STXBP4: variants seen among roughly 807,000 people sequenced by gnomAD.
STXBP4 encodes the protein syntaxin binding protein 4, also known as syntaxin-binding protein 4.
STXBP4 carries 55 observed loss-of-function variants against 76.1 expected under a neutral mutation model. That is an observed-to-expected ratio of 0.72 (90% CI 0.58 to 0.91). STXBP4 has a LOEUF of 0.91. Ranked by LOEUF, STXBP4 falls within the 40% of genes least tolerant of loss-of-function variation. The pLI is 0.00. For synonymous variants in STXBP4, 201 were observed against 220.2 expected (o/e 0.91, Z 0.77); for missense variants, 618 against 636.9 (o/e 0.97, Z 0.32).
chr17:55,108,282 C>T (rs2079661185), intron 16 of STXBP4, among the ~76,000 whole-genome samples: 1 of 152,188 alleles, frequency 6.6e-6, no homozygotes, highest in South Asian at 2.1e-4. Flanking sequence ...CATCCCAGGT[C>T]AACTTCAGAC....
At chr17:55,070,095 C>T (rs979350659) in intron 12 of STXBP4, among the ~76,000 whole-genome samples, 3 of 152,098 alleles carry the variant, frequency 2.0e-5, no homozygotes, top group Non-Finnish European at 4.4e-5. Flanking sequence ...CTGTAGTTGG[C>T]AAGGTAGTAC....
rs2080417732 is a variant in STXBP4, at chr17:55,173,600, G to A, written c.*13689G>A. On this transcript the variant is annotated 3_prime_UTR_variant, in exon 18 of 18. Transcript: ENST00000376352. ...GTCATTTGGGTTGTTTCTAGGCTTT[G>A]GTGATTATGAATAAAGCTGCTATCA... 6.6e-6 allele frequency: 1 copy of A among 152,126 alleles called. No individual in the cohort carries two copies. The highest frequency in any genetic ancestry group is 1.5e-5 in the Non-Finnish European group (1 of 68,024). The allele number at this position is 152,126 out of a possible 1,614,324, so 9.4% of individuals were successfully genotyped here.
intron 1 of STXBP4, among the ~76,000 whole-genome samples, chr17:54,973,956 T>C (rs571855649): frequency 1.3e-5 from 2 of 152,354 alleles, no homozygotes; most frequent in South Asian, 4.1e-4. Context: ...ATAAGTTATT[T>C]TTCATATAAG....
At chr17:55,098,106 T>C (rs1171546144) in intron 16 of STXBP4, among the ~76,000 whole-genome samples, 6 of 152,222 alleles carry the variant, frequency 3.9e-5, no homozygotes, top group Non-Finnish European at 8.8e-5. Context: ...CCTCCTTTTT[T>C]TTGAGAACTG....
downstream of STXBP4, among the ~76,000 whole-genome samples, chr17:55,175,045 G>A (rs2080424523): frequency 6.6e-6 from 1 of 151,920 alleles, no homozygotes; most frequent in Admixed American, 6.6e-5. Flanking sequence ...ACAAAACATG[G>A]CATCTGCAAC....
intron 12 of STXBP4, among the ~76,000 whole-genome samples, chr17:55,049,418 A>T (rs981221600): frequency 6.6e-6 from 1 of 152,036 alleles, no homozygotes; most frequent in Admixed American, 6.6e-5. Context: ...CAAAAGATGC[A>T]AATTTTTTAA....
At chr17:55,032,025 T>G (rs2078517795) in intron 9 of STXBP4, among the ~76,000 whole-genome samples, 1 of 152,220 alleles carries the variant, frequency 6.6e-6, no homozygotes, top group South Asian at 2.1e-4. Flanking sequence ...ATCAACATTA[T>G]GAATGTAGCT....
chr17:55,091,570 T>G (rs2144969358), intron 16 of STXBP4, among the ~76,000 whole-genome samples: 2 of 152,246 alleles, frequency 1.3e-5, no homozygotes, highest in Middle Eastern at 3.4e-3. Context: ...ACACAGTTTA[T>G]TCAGCGTCCC....
At chr17:54,975,959 C>G (rs1387355165) in intron 1 of STXBP4, among the ~76,000 whole-genome samples, 1 of 152,194 alleles carries the variant, frequency 6.6e-6, no homozygotes, top group Non-Finnish European at 1.5e-5. Context: ...GTCACATTTG[C>G]TATCACCTTT....
Position 54,971,273 on chromosome 17 carries a change from C to G in STXBP4, c.-157+2458C>G, listed in dbSNP as rs189965209. Reference sequence around the variant, plus strand: ...ATCCAGTATTACCATATGTAGTCAGCTTGGACTACCAATAGCAAAATACCA... The same window carrying G: ...ATCCAGTATTACCATATGTAGTCAGGTTGGACTACCAATAGCAAAATACCA... On this transcript the variant is annotated intron_variant, in intron 1 of 17. Coordinates refer to ENST00000376352, the MANE Select transcript of STXBP4 (RefSeq NM_178509.6). Among the ~76,000 whole-genome samples, 30 of 152,292 alleles carry G rather than the reference C, an allele frequency of 2.0e-4. 1 individual carries two copies. The highest frequency in any genetic ancestry group is 2.0e-3 in the Admixed American group (30 of 15,292).
rs534895948 is a variant in STXBP4 at position 55,006,665 on chromosome 17, C to T, written c.575-841C>T. On this transcript the variant is annotated intron_variant, in intron 7 of 17. Transcript: ENST00000376352. The stretch of plus-strand genomic sequence containing the variant: ...AGAAAAATGGGTAAGAAGTGTATGA[C>T]TTTTAGCTCTTGCAAATTCATTTAT... 7.0e-4 allele frequency among the ~76,000 whole-genome samples: 107 copies of T among 152,202 alleles called. 3 individuals carry two copies. Among genetic ancestry groups the T allele is most frequent in the South Asian group, 2.5e-3 (12 of 4,814 alleles).
At chr17:55,146,287 T>C (rs781338119) in intron 17 of STXBP4, among the ~76,000 whole-genome samples, 7 of 152,188 alleles carry the variant, frequency 4.6e-5, no homozygotes, top group Non-Finnish European at 8.8e-5. Flanking sequence ...CTTAAACCAA[T>C]ATGTATTTTC....
the STXBP4 span, among the ~76,000 whole-genome samples, chr17:55,199,436 C>T: frequency 6.6e-6 from 1 of 152,196 alleles, no homozygotes; most frequent in Non-Finnish European, 1.5e-5. Flanking sequence ...TGCATGCTTT[C>T]CTGATGAGAA....
At chr17:55,038,765 A>T (rs894311906) in intron 10 of STXBP4, among the ~76,000 whole-genome samples, 5 of 147,318 alleles carry the variant, frequency 3.4e-5, no homozygotes, top group African/African-American at 1.4e-4. Flanking sequence ...CAAGTACTGT[A>T]TCATTAATGG....
chr17:55,034,123 A>G, intron 9 of STXBP4, 45 bp from the exon 10 acceptor site: 1 of 1,402,092 alleles, frequency 7.1e-7, no homozygotes, highest in South Asian at 1.2e-5. Flanking sequence ...TAAGATTTAG[A>G]AGGGGTTAAA....
At chr17:55,185,326 T>TCTCCTTCTCCTTCTCCTTCTCCTCCTC in the STXBP4 span, among the ~76,000 whole-genome samples, 3 of 74,642 alleles carry the variant, frequency 4.0e-5, 1 homozygote, top group East Asian at 9.3e-4. Flanking sequence ...TCCTTCTCCT[T>TCTCCTTCTCCTTCTCCTTCTCCTCCTC]CTCCTCCTCC....
At position 55,170,763 on chromosome 17, in the gene STXBP4, A is replaced by AT. The variant is rs1359900126; in HGVS notation, c.*10858dup. ...TATTGTGGAAACAACAAAAAAATTC[A>AT]TTTTTTGAAATGAAAATCTTTATTG... On this transcript the variant is annotated 3_prime_UTR_variant, in exon 18 of 18. Transcript: ENST00000376352. The AT allele has an allele frequency of 6.6e-6, 1 of 152,226 alleles. No homozygotes were observed. The highest frequency in any genetic ancestry group is 1.5e-5 in the Non-Finnish European group (1 of 68,048). The allele number at this position is 152,226 out of a possible 1,614,324, so 9.4% of individuals were successfully genotyped here.
chr17:55,209,826 C>T, the STXBP4 span, among the ~76,000 whole-genome samples: 1 of 152,164 alleles, frequency 6.6e-6, no homozygotes, highest in Non-Finnish European at 1.5e-5. Context: ...CATTTACTTC[C>T]CTCTTCCGAG....
At chr17:55,081,225 T>C in intron 16 of STXBP4, 42 bp downstream of exon 16, 1 of 1,353,824 alleles carries the variant, frequency 7.4e-7, no homozygotes, top group Non-Finnish European at 9.6e-7. Context: ...AGTAATTTAT[T>C]TAACAAAACA....
Sources: gnomAD v4.1 joint callset for allele counts (sites outside exome capture counted in the v4.1 genomes callset) on GRCh38, gnomAD v4.1.1 for gene constraint, MANE v1.5 for transcripts, NCBI Gene and HGNC (gene_info 2026-07-23, HGNC 2026-07-21) for gene names.